The following CNGA3 variants were observed in gnomAD, a reference collection of about 807,000 sequenced individuals.
CNGA3 encodes the protein cyclic nucleotide gated channel subunit alpha 3, also known as cyclic nucleotide-gated channel alpha-3.
In CNGA3, 42 loss-of-function variants were observed where a neutral mutation model predicts 46.6. That is an observed-to-expected ratio of 0.90 (90% CI 0.70 to 1.17). CNGA3 has a LOEUF of 1.17. Ranked by LOEUF, CNGA3 falls within the 50% of genes most tolerant of loss-of-function variation. The pLI is 0.00. For synonymous variants in CNGA3, 394 were observed against 369.4 expected (o/e 1.07, Z -0.76); for missense variants, 893 against 890.7 (o/e 1.00, Z -0.03).
intron 1 of CNGA3, chr2:98,355,797 A>G (rs1244989418): frequency 6.6e-6 from 1 of 152,206 alleles, no homozygotes; most frequent in Non-Finnish European, 1.5e-5. Context: ...TGAAAAAATT[A>G]AAGTGCTGGT....
At chr2:98,348,229 G>A (rs868176704) in intron 1 of CNGA3, among the ~76,000 whole-genome samples, 1 of 152,078 alleles carries the variant, frequency 6.6e-6, no homozygotes, top group African/African-American at 2.4e-5. Flanking sequence ...GTAGATGCCC[G>A]GAGGGGAGGA....
intron 1 of CNGA3, among the ~76,000 whole-genome samples, chr2:98,349,430 C>T (rs1412793000): frequency 6.6e-6 from 1 of 152,176 alleles, no homozygotes; most frequent in Admixed American, 6.5e-5. Flanking sequence ...CTAAAAGCTT[C>T]TGAGAAGAGT....
intron 1 of CNGA3, among the ~76,000 whole-genome samples, chr2:98,349,265 G>A (rs1179763053): frequency 6.6e-6 from 1 of 150,916 alleles, no homozygotes; most frequent in African/African-American, 2.4e-5. Flanking sequence ...GTAGGTGGGG[G>A]CAAAAAAAAA....
intron 1 of CNGA3, among the ~76,000 whole-genome samples, chr2:98,353,007 CTTCTGT>C (rs1348441137): frequency 1.3e-5 from 2 of 152,168 alleles, no homozygotes; most frequent in African/African-American, 4.8e-5. Context: ...TACTAATAGG[CTTCTGT>C]TGACCACAAG....
Position 98,380,269 on chromosome 2 carries a change from G to A in CNGA3, c.310G>A (p.Gly104Arg), listed in dbSNP as rs1338257190. ...GGACTCTTTTCCTGATCGTTTCCGT[G>A]GAGCCGAGCTTAAGGAGGTGTCCAG... ...GPDSFPDRFR[G>R]AELKEVSSQE... Residue 104 changes from glycine to arginine, a missense_variant, in exon 4 of 8, where the codon GGA becomes AGA. Coordinates refer to ENST00000272602, the MANE Select transcript of CNGA3 (RefSeq NM_001298.3). The A allele has an allele frequency of 1.2e-6, 2 of 1,614,076 alleles. No homozygotes were observed. The highest frequency in any genetic ancestry group is 1.3e-5 in the African/African-American group (1 of 74,914).
chr2:98,381,578 G>C (rs1226270257), intron 4 of CNGA3, among the ~76,000 whole-genome samples: 1 of 152,156 alleles, frequency 6.6e-6, no homozygotes, highest in African/African-American at 2.4e-5. Context: ...GAACGGCACG[G>C]GCATTTTTAA....
Position 98,396,258 on chromosome 2 carries a change from T to C in CNGA3, c.1088T>C (p.Leu363Pro). 2 of 1,613,338 alleles carry C rather than the reference T, an allele frequency of 1.2e-6. No homozygotes were observed. The highest frequency in any genetic ancestry group is 1.7e-6 in the Non-Finnish European group (2 of 1,179,482). Reference protein sequence around the residue: ...IYSLYWSTLTLTTIGETPPPV... With the variant: ...IYSLYWSTLTPTTIGETPPPV... ...AGTCTCTACTGGTCCACCTTGACCCTTACCACCATTGGTGAGACCCCACCC... is the reference window on the plus strand; with the variant it reads ...AGTCTCTACTGGTCCACCTTGACCCCTACCACCATTGGTGAGACCCCACCC... Residue 363 changes from leucine to proline, a missense_variant, in exon 8 of 8, where the codon CTT becomes CCT. By Grantham distance (98) the Leu-to-Pro change is moderately conservative (BLOSUM62 -3). Coordinates refer to ENST00000272602, the MANE Select transcript of CNGA3 (RefSeq NM_001298.3).
chr2:98,348,926 C>G (rs1376632677), intron 1 of CNGA3, among the ~76,000 whole-genome samples: 1 of 152,086 alleles, frequency 6.6e-6, no homozygotes, highest in African/African-American at 2.4e-5. Flanking sequence ...GTGACTGACT[C>G]CTGGTCAGGG....
intron 7 of CNGA3, among the ~76,000 whole-genome samples, chr2:98,393,385 G>A (rs1692837385): frequency 6.6e-6 from 1 of 152,218 alleles, no homozygotes; most frequent in South Asian, 2.1e-4. Flanking sequence ...AGAAGCTCAG[G>A]TGTGATTACC....
chr2:98,388,117 G>A (rs992927521), intron 5 of CNGA3, among the ~76,000 whole-genome samples: 6 of 152,106 alleles, frequency 3.9e-5, no homozygotes, highest in Non-Finnish European at 8.8e-5. Context: ...ATCCCAATGC[G>A]CTGGAAGCAC....
chr2:98,374,061 G>A (rs1359514353), intron 2 of CNGA3, among the ~76,000 whole-genome samples: 1 of 152,164 alleles, frequency 6.6e-6, no homozygotes. Flanking sequence ...TTAAAGTGTC[G>A]TATTCCCCAG....
intron 5 of CNGA3, among the ~76,000 whole-genome samples, chr2:98,383,679 C>T (rs756905629): frequency 7.9e-5 from 12 of 152,208 alleles, no homozygotes; most frequent in Non-Finnish European, 1.3e-4. Context: ...TCTCATTTTT[C>T]TCATCCATAA....
At chr2:98,376,142 G>C (rs1183889714) in intron 2 of CNGA3, among the ~76,000 whole-genome samples, 1 of 152,166 alleles carries the variant, frequency 6.6e-6, no homozygotes, top group African/African-American at 2.4e-5. Context: ...GCATACACAA[G>C]CCGGGGTCCT....
chr2:98,348,680 GT>G (rs1691701279), intron 1 of CNGA3, among the ~76,000 whole-genome samples: 1 of 152,198 alleles, frequency 6.6e-6, no homozygotes, highest in African/African-American at 2.4e-5. Flanking sequence ...GAGGCTGGGG[GT>G]AAACAGTTTT....
At chr2:98,367,749 C>A (rs1193831947) in intron 1 of CNGA3, among the ~76,000 whole-genome samples, 2 of 152,158 alleles carry the variant, frequency 1.3e-5, no homozygotes, top group Non-Finnish European at 2.9e-5. Flanking sequence ...GTCCTGGCAA[C>A]TCTACCCACT....
chr2:98,388,641 T>A (rs1364440626), intron 5 of CNGA3, among the ~76,000 whole-genome samples: 1 of 152,248 alleles, frequency 6.6e-6, no homozygotes, highest in Non-Finnish European at 1.5e-5. Context: ...AGCCGGGGGC[T>A]GCCCCTGTGA....
At chr2:98,390,474 G>A (rs1692759964) in intron 6 of CNGA3, among the ~76,000 whole-genome samples, 2 of 152,110 alleles carry the variant, frequency 1.3e-5, no homozygotes, top group South Asian at 4.1e-4. Context: ...ATAAGCAGAA[G>A]AGGGATTGAG....
chr2:98,389,697 G>A lies in CNGA3; in HGVS notation c.489G>A (p.Pro163=), dbSNP rs557628518. 115 of 1,613,860 alleles carry A rather than the reference G, an allele frequency of 7.1e-5. No individual in the cohort carries two copies. Among genetic ancestry groups the A allele is most frequent in the East Asian group, 4.5e-4 (20 of 44,888 alleles). ...TKKKDAIVVD[P]SSNLYYRWLT... is the part of the protein sequence containing the mutation. ...AGAAGGATGCGATCGTGGTGGACCC[G>A]TCCAGCAACCTGTACTACCGCTGGC... Residue 163 remains proline, a synonymous_variant, in exon 6 of 8, where the codon CCG becomes CCA. Coordinates refer to ENST00000272602, the MANE Select transcript of CNGA3 (RefSeq NM_001298.3).
chr2:98,375,399 G>A (rs990774401), intron 2 of CNGA3, among the ~76,000 whole-genome samples: 16 of 152,256 alleles, frequency 1.1e-4, no homozygotes, highest in African/African-American at 2.6e-4. Flanking sequence ...CAGGGCCCCC[G>A]CCCAGCTGTC....
Sources: gnomAD v4.1 joint callset for allele counts (sites outside exome capture counted in the v4.1 genomes callset) on GRCh38, gnomAD v4.1.1 for gene constraint, MANE v1.5 for transcripts, NCBI Gene and HGNC (gene_info 2026-07-23, HGNC 2026-07-21) for gene names.